Variants in CLCN7 observed in about 807,000 individuals in gnomAD.
The protein encoded by CLCN7 is H(+)/Cl(-) exchange transporter 7.
CLCN7 carries 60 observed loss-of-function variants against 102.1 expected under a neutral mutation model. That is an observed-to-expected ratio of 0.59 (90% CI 0.48 to 0.73). CLCN7 has a LOEUF of 0.73. Among genes scored for constraint, CLCN7 ranks in the 30% least tolerant of loss-of-function variants. The pLI is 0.00. For missense variants in CLCN7, 962 were observed against 1,125.7 expected (o/e 0.85, Z 2.08); for synonymous variants, 560 against 490.5 (o/e 1.14, Z -1.87).
At position 1,457,783 on chromosome 16, in the gene CLCN7, C is replaced by T. The variant is rs374229199; in HGVS notation, c.676-27G>A. On this transcript the variant is annotated intron_variant, in intron 7 of 24. Transcript: ENST00000382745. This position sits in a 1 kb window ranked among gnomAD's most constrained non-coding sequence, Gnocchi z 5.4. ...TGAAACACAGGGAGACGCATGGCCT[C>T]TGATGAAAAGGCAGGCGCTGTCTTT... 2.6e-4 allele frequency: 414 copies of T among 1,608,474 alleles called. 1 individual carries two copies. Among genetic ancestry groups the T allele is most frequent in the Non-Finnish European group, 3.3e-4 (383 of 1,175,428 alleles).
intron 3 of CLCN7, 60 bp downstream of exon 3, chr16:1,461,543 A>AG: frequency 1.2e-6 from 2 of 1,608,798 alleles, no homozygotes; most frequent in Non-Finnish European, 8.5e-7. Context: ...GGGGACCGGG[A>AG]GTGGGCTGGC....
chr16:1,463,213 G>C (rs1383139520), intron 2 of CLCN7, among the ~76,000 whole-genome samples: 1 of 152,168 alleles, frequency 6.6e-6, no homozygotes, highest in East Asian at 1.9e-4. Flanking sequence ...AGGGATGAAA[G>C]ACCTAAAACT....
rs771809697 is a variant in CLCN7 at position 1,452,728 on chromosome 16, G to A, written c.1353+27C>T. 5.7e-6 allele frequency: 9 copies of A among 1,569,424 alleles called. No homozygotes were observed. The African/African-American group carries it at 1.2e-4, about 21-fold the overall frequency. ...CCGCCCTGTGGCTGCCCTGCCTGCTGGACCCCGCCCGGGCCCAGCCTCCCA... is the reference window on the plus strand; with the variant it reads ...CCGCCCTGTGGCTGCCCTGCCTGCTAGACCCCGCCCGGGCCCAGCCTCCCA... On this transcript the variant is annotated intron_variant, in intron 15 of 24. Transcript: ENST00000382745.
chr16:1,468,795 T>G (rs35590353), intron 1 of CLCN7, among the ~76,000 whole-genome samples: 1 of 151,990 alleles, frequency 6.6e-6, no homozygotes, highest in Non-Finnish European at 1.5e-5. Context: ...GTTTTGGGGC[T>G]GCGCTGTTAC....
intron 14 of CLCN7, 95 bp from the exon 15 acceptor site, chr16:1,452,988 G>A: frequency 1.3e-6 from 2 of 1,488,062 alleles, no homozygotes; most frequent in Non-Finnish European, 1.8e-6. Context: ...GAGGACACTG[G>A]GCCCGTGGTG....
Position 1,457,963 on chromosome 16 carries a change from G to T in CLCN7, c.676-207C>A, listed in dbSNP as rs1254095068. Among the ~76,000 whole-genome samples the T allele has an allele frequency of 6.6e-6, 1 of 152,218 alleles. No individual in the cohort carries two copies. Among genetic ancestry groups the T allele is most frequent in the African/African-American group, 2.4e-5 (1 of 41,470 alleles). ...AAGCGTCCCCCGCACTCACTCGGGG[G>T]ACCTGCCCTCTGTGGCCTCAGCACT... On this transcript the variant is annotated intron_variant, in intron 7 of 24. Transcript: ENST00000382745. This position sits in a 1 kb window ranked among gnomAD's most constrained non-coding sequence, Gnocchi z 5.4.
chr16:1,455,854 C>T, intron 10 of CLCN7, 59 bp from the exon 11 acceptor site: 2 of 1,564,654 alleles, frequency 1.3e-6, no homozygotes, highest in South Asian at 2.2e-5. Flanking sequence ...TGCCCACCAC[C>T]AACTCCCTCC....
intron 21 of CLCN7, among the ~76,000 whole-genome samples, 194 bp from the exon 22 acceptor site, chr16:1,447,908 C>T (rs533675000): frequency 7.0e-4 from 107 of 152,344 alleles, no homozygotes; most frequent in Admixed American, 2.3e-3. Flanking sequence ...ACCCAAGGAT[C>T]GGCGACAGGG....
At position 1,452,788 on chromosome 16, in the gene CLCN7, G is replaced by A. The variant is rs1377071604; in HGVS notation, c.1320C>T (p.Pro440=). 2.5e-6 allele frequency: 4 copies of A among 1,605,836 alleles called. No individual in the cohort carries two copies. Among genetic ancestry groups the A allele is most frequent in the Non-Finnish European group, 2.5e-6 (3 of 1,176,796 alleles). ...GGTAGGACATGGAGCCCCCCTGCAG[G>A]GGCTGGCAATCCCGCGACGAGTAGA... is the stretch of plus-strand genomic sequence containing the variant. ...VLIYSSRDCQ[P]LQGGSMSYPL... Residue 440 remains proline (P), a synonymous_variant, in exon 15 of 25, where the codon CCC becomes CCT. Transcript: ENST00000382745.
intron 1 of CLCN7, among the ~76,000 whole-genome samples, chr16:1,470,342 T>A (rs954614541): frequency 5.9e-5 from 9 of 152,170 alleles, no homozygotes; most frequent in Non-Finnish European, 1.3e-4. Context: ...CAGTTTTTTT[T>A]AAAACTTAAA....
At chr16:1,474,385 G>A (rs537319810) in intron 1 of CLCN7, 3 of 349,670 alleles carry the variant, frequency 8.6e-6, no homozygotes, top group Admixed American at 7.7e-5. Flanking sequence ...TGACCCGGCT[G>A]CAATCTTAAC....
rs1185721685 is a variant in CLCN7, at chr16:1,461,402, C to T, written c.351+3G>A. ...GCCCTGCAGGGAGCGGCGTCCAGCTCACCGTGTGATTGATCCGCCGCTCCT... is the reference window on the plus strand; with the variant it reads ...GCCCTGCAGGGAGCGGCGTCCAGCTTACCGTGTGATTGATCCGCCGCTCCT... On this transcript the variant is annotated splice_donor_region_variant and intron_variant, in intron 4 of 24. Transcript: ENST00000382745. 1.3e-6 allele frequency: 2 copies of T among 1,549,234 alleles called. No individual in the cohort carries two copies. Among genetic ancestry groups the T allele is most frequent in the South Asian group, 2.4e-5 (2 of 84,012 alleles).
chr16:1,452,637 A>G (rs778514905), intron 15 of CLCN7, 118 bp downstream of exon 15: 16 of 1,102,476 alleles, frequency 1.5e-5, no homozygotes, highest in Admixed American at 6.6e-5. Context: ...ACGCCAGCCC[A>G]TGCGCTTCTG....
In CLCN7 at chr16:1,456,397, G is replaced by C. The variant is rs569130197; in HGVS notation, c.823-191C>G. On this transcript the variant is annotated intron_variant, in intron 9 of 24. Coordinates refer to ENST00000382745, the MANE Select transcript of CLCN7 (RefSeq NM_001287.6). The stretch of plus-strand genomic sequence containing the variant: ...AGACAGCAGGGTCAGCACCACCACC[G>C]GCAGCCCAGGGAAACACGCAAACAC... Among the ~76,000 whole-genome samples, 3 of 152,276 alleles carry C rather than the reference G, an allele frequency of 2.0e-5. No individual in the cohort carries two copies. The South Asian group carries it at 6.2e-4, about 32-fold the overall frequency.
In CLCN7 at chr16:1,447,311, C is replaced by T. The variant is rs1319678693; in HGVS notation, c.2250+81G>A. 2.1e-5 allele frequency: 29 copies of T among 1,388,178 alleles called. No individual in the cohort carries two copies. In the East Asian group the frequency reaches 6.8e-4, roughly 32 times the overall value. 86.0% of individuals were successfully genotyped at this position (1,388,178 alleles called of 1,614,324 possible). On this transcript the variant is annotated intron_variant, in intron 23 of 24. Transcript: ENST00000382745. ...TCCTCTCCGCTGTGGCCCCCCCCGG[C>T]TGCCCCTCCCCGAGGCTCTGGACCC...
At chr16:1,450,830 T>C (rs1405531639) in intron 16 of CLCN7, among the ~76,000 whole-genome samples, 164 bp from the exon 17 acceptor site, 5 of 149,704 alleles carry the variant, frequency 3.3e-5, no homozygotes, top group South Asian at 4.2e-4. Flanking sequence ...TCAGCCTCCC[T>C]GGGAAGCAGA....
At chr16:1,461,275 G>A in intron 4 of CLCN7, 130 bp downstream of exon 4, 1 of 841,302 alleles carries the variant, frequency 1.2e-6, no homozygotes, top group Non-Finnish European at 1.9e-6. Context: ...ACGAACCACA[G>A]GCCTCAGAGG....
intron 9 of CLCN7, among the ~76,000 whole-genome samples, chr16:1,456,838 C>CAAA (rs34329111): frequency 2.4e-4 from 26 of 107,918 alleles, no homozygotes; most frequent in Middle Eastern, 5.1e-3. Context: ...GACTCCATCT[C>CAAA]AAAAAAAAAA....
chr16:1,472,093 G>A (rs1424864940), intron 1 of CLCN7: 5 of 152,290 alleles, frequency 3.3e-5, no homozygotes, highest in Non-Finnish European at 7.3e-5. Flanking sequence ...CCAGCAGGAA[G>A]GAAGCAGCTT....
Sources: allele counts gnomAD v4.1 joint callset (sites outside exome capture counted in the v4.1 genomes callset), GRCh38; gene constraint gnomAD v4.1.1; non-coding constraint Gnocchi (gnomAD v3.1); transcripts MANE v1.5; gene names NCBI Gene and HGNC (gene_info 2026-07-23, HGNC 2026-07-21).